C1orf159: variants seen among roughly 807,000 people sequenced by gnomAD.
The protein encoded by C1orf159 is chromosome 1 open reading frame 159.
A neutral mutation model predicts 25.6 loss-of-function variants in C1orf159; 19 were observed. That is an observed-to-expected ratio of 0.74 (90% CI 0.52 to 1.09). The LOEUF (loss-of-function observed/expected upper bound fraction) is 1.09, where lower values mean the gene tolerates loss of function less well. C1orf159 is among the 50% of genes least tolerant of loss of function. C1orf159 has a pLI of 0.00. For synonymous variants in C1orf159, 139 were observed against 124.7 expected (o/e 1.12, Z -0.77); for missense variants, 274 against 290.6 (o/e 0.94, Z 0.42).
chr1:1,107,760 T>A lies in C1orf159; in HGVS notation c.-136+8300A>T, dbSNP rs989188230. 5.9e-5 allele frequency among the ~76,000 whole-genome samples: 9 copies of A among 152,266 alleles called. 1 individual carries two copies. The East Asian group carries it at 1.7e-3, about 29-fold the overall frequency. Reference sequence around the variant, plus strand: ...CCCACTCGGGTCCCCTTCCACACTATGGAAGCTTTGTTCTTTCGCTCTTTG... The same window carrying A: ...CCCACTCGGGTCCCCTTCCACACTAAGGAAGCTTTGTTCTTTCGCTCTTTG... On this transcript the variant is annotated intron_variant, in intron 1 of 9. Transcript: ENST00000421241.
chr1:1,111,581 G>C (rs1646257175), intron 1 of C1orf159, among the ~76,000 whole-genome samples: 1 of 152,118 alleles, frequency 6.6e-6, no homozygotes. Flanking sequence ...GATGCCTCAG[G>C]TCACTGTGAT....
chr1:1,115,889 G>A (rs938149079), intron 1 of C1orf159, among the ~76,000 whole-genome samples, 171 bp downstream of exon 1: 1 of 150,374 alleles, frequency 6.7e-6, no homozygotes, highest in Non-Finnish European at 1.5e-5. Context: ...AGGCGCTGGC[G>A]GCTCCTCCGC....
chr1:1,093,828 G>A (rs1045381534), intron 1 of C1orf159, among the ~76,000 whole-genome samples: 75 of 152,294 alleles, frequency 4.9e-4, no homozygotes, highest in African/African-American at 1.7e-3. Flanking sequence ...GGCTCACAGG[G>A]AGGTGCACGT....
intron 1 of C1orf159, among the ~76,000 whole-genome samples, chr1:1,093,879 G>A (rs369603382): frequency 6.6e-6 from 1 of 152,216 alleles, no homozygotes; most frequent in Non-Finnish European, 1.5e-5. Context: ...CACAGTGGCT[G>A]TGCTGTATAC....
At chr1:1,098,919 T>C (rs1306105217) in intron 1 of C1orf159, among the ~76,000 whole-genome samples, 1 of 152,238 alleles carries the variant, frequency 6.6e-6, no homozygotes, top group African/African-American at 2.4e-5. Context: ...GCCTGATATG[T>C]GTAACTTCCT....
intron 1 of C1orf159, among the ~76,000 whole-genome samples, chr1:1,115,372 A>T (rs1404651309): frequency 6.6e-6 from 1 of 152,152 alleles, no homozygotes; most frequent in Non-Finnish European, 1.5e-5. Flanking sequence ...AAAAGACCTG[A>T]ATCGTGGCCG....
Position 1,092,015 on chromosome 1 carries a change from C to A in C1orf159, c.-47G>T, listed in dbSNP as rs778469762. ...CCTGCCCCTCCAGGATGGGGACTACCGACATCAGCCCTTTGCCCGCCTGGG... is the reference window on the plus strand; with the variant it reads ...CCTGCCCCTCCAGGATGGGGACTACAGACATCAGCCCTTTGCCCGCCTGGG... On this transcript the variant is annotated 5_prime_UTR_variant, in exon 2 of 10. Coordinates refer to ENST00000421241, the MANE Select transcript of C1orf159 (RefSeq NM_017891.5). 2.2e-6 allele frequency: 1 copy of A among 456,828 alleles called. No individual in the cohort carries two copies. Among genetic ancestry groups the A allele is most frequent in the South Asian group, 1.5e-5 (1 of 64,552 alleles). 28.3% of individuals were successfully genotyped at this position (456,828 alleles called of 1,614,324 possible).
At position 1,110,931 on chromosome 1, in the gene C1orf159, C is replaced by T. The variant is rs946648358; in HGVS notation, c.-136+5129G>A. 2.0e-5 allele frequency among the ~76,000 whole-genome samples: 3 copies of T among 152,228 alleles called. No homozygotes were observed. Among genetic ancestry groups the T allele is most frequent in the African/African-American group, 7.2e-5 (3 of 41,462 alleles). On this transcript the variant is annotated intron_variant, in intron 1 of 9. Transcript: ENST00000421241. The surrounding 1 kb of genome is among the most constrained non-coding windows in gnomAD (Gnocchi z 4.8). ...AAATCACAGCAGCGCTCCTGTCTGG[C>T]GCGGCAGGCGGGCGCTGGAGCAGCC...
intron 1 of C1orf159, among the ~76,000 whole-genome samples, chr1:1,094,012 ACTTATATAT>A: frequency 6.6e-6 from 1 of 152,076 alleles, no homozygotes; most frequent in Non-Finnish European, 1.5e-5. Flanking sequence ...TTTATTAGCC[ACTTATATAT>A]CTTCTTTCTG....
At chr1:1,084,114 C>T in intron 9 of C1orf159, 3 of 1,580,632 alleles carry the variant, frequency 1.9e-6, no homozygotes, top group Non-Finnish European at 1.7e-6. Flanking sequence ...GCATGGAAGT[C>T]ACGGGGATTA....
At chr1:1,099,056 G>C (rs111965729) in intron 1 of C1orf159, among the ~76,000 whole-genome samples, 1 of 85,722 alleles carries the variant, frequency 1.2e-5, no homozygotes, top group Non-Finnish European at 2.1e-5. Flanking sequence ...ATGATTGTGG[G>C]TTGTCTATTG....
rs2100748831 is a variant in C1orf159, at chr1:1,090,395, C to T, written c.106G>A (p.Gly36Ser). The T allele has an allele frequency of 1.3e-6, 2 of 1,550,504 alleles. No individual in the cohort carries two copies. Among genetic ancestry groups the T allele is most frequent in the Non-Finnish European group, 1.7e-6 (2 of 1,146,946 alleles). The change falls in exon 4 of 10, where the codon GGC becomes AGC. Residue 36 changes from glycine to serine, a missense_variant. Physicochemically the swap from Gly to Ser is moderately conservative, Grantham distance 56 (BLOSUM62 0). Transcript: ENST00000421241. ...GCGCCTGGGCAGCTGGCGTTGACGC[C>T]CACCACATCCACACAGCACTCGGGC... is the stretch of plus-strand genomic sequence containing the variant. The part of the protein sequence containing the change: ...QLPECCVDVV[G>S]VNASCPGASL...
In C1orf159 at chr1:1,085,922, T is replaced by C. The variant is rs151035904; in HGVS notation, c.401A>G (p.Lys134Arg). 1,346 of 1,613,184 alleles carry C rather than the reference T, an allele frequency of 8.3e-4. 2 individuals are homozygous for C. The highest frequency in any genetic ancestry group is 1.0e-3 in the Non-Finnish European group (1,238 of 1,179,784). The change falls in exon 7 of 10, where the codon AAG (lysine) becomes AGG (arginine). Residue 134 changes from lysine to arginine, a missense_variant. Coordinates refer to ENST00000421241, the MANE Select transcript of C1orf159 (RefSeq NM_017891.5). ...GGCCCTGGGGAGTTTACTGGAGCGCTTGAGGTAGAAGAACCCAGCTACGGA... is the reference window on the plus strand; with the variant it reads ...GGCCCTGGGGAGTTTACTGGAGCGCCTGAGGTAGAAGAACCCAGCTACGGA... Reference protein sequence around the residue: ...ILSVAGFFYLKRSSKLPRACY... With the variant: ...ILSVAGFFYLRRSSKLPRACY...
At chr1:1,114,678 A>G (rs1454166696) in intron 1 of C1orf159, among the ~76,000 whole-genome samples, 3 of 152,214 alleles carry the variant, frequency 2.0e-5, no homozygotes, top group Non-Finnish European at 2.9e-5. Context: ...CAACGTGGCC[A>G]TGACGGATCC....
chr1:1,100,571 G>A (rs904985698), intron 1 of C1orf159, among the ~76,000 whole-genome samples: 1 of 152,134 alleles, frequency 6.6e-6, no homozygotes, highest in Non-Finnish European at 1.5e-5. Context: ...CTGAGCTTTG[G>A]CAAGTGTATA....
In C1orf159 at chr1:1,082,824, T is replaced by C. The variant is rs1162301314; in HGVS notation, c.*69A>G. 18 of 1,388,998 alleles carry C rather than the reference T, an allele frequency of 1.3e-5. No homozygotes were observed. The East Asian group carries it at 4.2e-4, about 33-fold the overall frequency. 86.0% of individuals were successfully genotyped at this position (1,388,998 alleles called of 1,614,324 possible). A position where few individuals can be genotyped will look rare whatever the true frequency, so the allele number is the denominator to read the frequency against. On this transcript the variant is annotated 3_prime_UTR_variant, in exon 10 of 10. Transcript: ENST00000421241. ...GCCGGGCGATGCCAACACTTTGTGC[T>C]GGTTCCCGCCAAGGGGTCGGCCTCC...
intron 1 of C1orf159, among the ~76,000 whole-genome samples, chr1:1,104,089 G>A (rs777433323): frequency 2.0e-5 from 3 of 152,114 alleles, no homozygotes; most frequent in Non-Finnish European, 2.9e-5. Flanking sequence ...CCAGGCTCAC[G>A]CGATTCTCCT....
At chr1:1,085,765 G>T in intron 7 of C1orf159, 113 bp downstream of exon 7, 1 of 1,372,938 alleles carries the variant, frequency 7.3e-7, no homozygotes. Context: ...GCTCCCTCCC[G>T]GCCTCTGCCA....
At chr1:1,090,320 G>C (rs552689476) in intron 4 of C1orf159, 33 bp downstream of exon 4, 3 of 1,548,602 alleles carry the variant, frequency 1.9e-6, no homozygotes, top group East Asian at 2.4e-5. Context: ...CTCAGGGGCC[G>C]GTCTGGAATC....
Sources: gnomAD v4.1 joint callset for allele counts (sites outside exome capture counted in the v4.1 genomes callset) on GRCh38, gnomAD v4.1.1 for gene constraint, Gnocchi (gnomAD v3.1) non-coding constraint, MANE v1.5 for transcripts, NCBI Gene and HGNC (gene_info 2026-07-23, HGNC 2026-07-21) for gene names.